The following NYAP2 variants were observed in gnomAD, a reference collection of about 807,000 sequenced individuals.
NYAP2 encodes the protein neuronal tyrosine-phosphorylated phosphoinositide-3-kinase adaptor 2, also known as neuronal tyrosine-phosphorylated phosphoinositide-3-kinase adapter 2.
NYAP2 carries 23 observed loss-of-function variants against 50.4 expected under a neutral mutation model. The observed-to-expected ratio is 0.46, with a 90% CI of 0.33 to 0.65. NYAP2 has a LOEUF of 0.65. Ranked by LOEUF, NYAP2 falls within the 30% of genes least tolerant of loss-of-function variation. The pLI is 0.02. For synonymous variants in NYAP2, 394 were observed against 365.2 expected (o/e 1.08, Z -0.90); for missense variants, 885 against 861.0 (o/e 1.03, Z -0.35).
At chr2:225,453,189 T>C (rs552305035) in intron 3 of NYAP2, among the ~76,000 whole-genome samples, 66 of 152,350 alleles carry the variant, frequency 4.3e-4, no homozygotes, top group African/African-American at 1.6e-3. Context: ...ACTATGATTA[T>C]GAAAGTTGTT....
At position 225,582,809 on chromosome 2, in the gene NYAP2, C is replaced by A. The variant is rs1692318982; in HGVS notation, c.1392C>A (p.Ser464Arg). ...CTTACGACGCTGTGCATTCGGGCAG[C>A]CTCTCAAGGAGCTCTCCTTCAGTGC... is the stretch of plus-strand genomic sequence containing the variant. The change falls in exon 5 of 7, where the codon AGC becomes AGA. Residue 464 changes from serine (S) to arginine (R), a missense_variant. Coordinates refer to ENST00000636099, the Ensembl canonical transcript of NYAP2. This position sits in a 1 kb window ranked among gnomAD's most constrained non-coding sequence, Gnocchi z 7.0. The A allele has an allele frequency of 6.2e-7, 1 of 1,613,808 alleles. No homozygotes were observed. Among genetic ancestry groups the A allele is most frequent in the Admixed American group, 1.7e-5 (1 of 60,002 alleles).
At chr2:225,626,957 G>T (rs1413714130) in exon 6 of NYAP2, 2 of 1,584,816 alleles carry the variant, frequency 1.3e-6, no homozygotes, top group Admixed American at 1.8e-5. Context: ...ACAGCACGGA[G>T]CCATTACCAA....
rs76444434 is a variant in NYAP2 at position 225,634,363 on chromosome 2, C to T, written c.1828+7237C>T. Among the ~76,000 whole-genome samples, 532 of 152,192 alleles carry T rather than the reference C, an allele frequency of 3.5e-3. 3 individuals carry two copies. Among genetic ancestry groups the T allele is most frequent in the Non-Finnish European group, 6.4e-3 (437 of 68,006 alleles). On this transcript the variant is annotated intron_variant, in intron 6 of 6. Transcript: ENST00000636099. ...GAACAGTAGACCCCTCACGTGACAA[C>T]CAGTATGAGCTAAAGACTAGGAGGA...
chr2:225,506,306 G>A (rs1690705777), intron 3 of NYAP2, among the ~76,000 whole-genome samples: 2 of 152,184 alleles, frequency 1.3e-5, no homozygotes, highest in Admixed American at 6.5e-5. Flanking sequence ...AATGTGACCA[G>A]CCATTTGTAC....
chr2:225,487,704 T>C (rs1374957339), intron 3 of NYAP2, among the ~76,000 whole-genome samples: 1 of 152,184 alleles, frequency 6.6e-6, no homozygotes, highest in Non-Finnish European at 1.5e-5. Flanking sequence ...TGAATTAGCT[T>C]TGCTAGACCA....
chr2:225,664,583 A>C, the NYAP2 span, among the ~76,000 whole-genome samples: 63 of 152,244 alleles, frequency 4.1e-4, 3 homozygotes, highest in South Asian at 0.013. Context: ...TAGAACTGAA[A>C]TGCGGCCGGG....
At chr2:225,660,559 A>G in the NYAP2 span, among the ~76,000 whole-genome samples, 30 of 151,220 alleles carry the variant, frequency 2.0e-4, no homozygotes, top group African/African-American at 7.3e-4. Context: ...TATCGATTTA[A>G]CTATTAAAAC....
At chr2:225,580,346 T>C (rs1277782011) in intron 4 of NYAP2, among the ~76,000 whole-genome samples, 1 of 152,186 alleles carries the variant, frequency 6.6e-6, no homozygotes, top group Admixed American at 6.5e-5. Flanking sequence ...GGTGGTACAA[T>C]TATTGGTTGC....
the NYAP2 span, among the ~76,000 whole-genome samples, chr2:225,662,351 C>T: frequency 1.3e-5 from 2 of 152,362 alleles, no homozygotes; most frequent in Non-Finnish European, 2.9e-5. Context: ...AACACTTGAG[C>T]ACATCGAACC....
chr2:225,523,214 C>G (rs1485206971), intron 4 of NYAP2, among the ~76,000 whole-genome samples: 5 of 151,588 alleles, frequency 3.3e-5, no homozygotes, highest in African/African-American at 1.2e-4. Context: ...CCTGGAAGTC[C>G]TCACAAGAGC....
downstream of NYAP2, among the ~76,000 whole-genome samples, chr2:225,656,866 C>T (rs759354652): frequency 4.6e-5 from 7 of 152,150 alleles, no homozygotes; most frequent in Middle Eastern, 3.2e-3. Flanking sequence ...TCTCTATAAA[C>T]ATCTTTCTGT....
intron 5 of NYAP2, among the ~76,000 whole-genome samples, chr2:225,586,407 A>G (rs896479260): frequency 6.6e-6 from 1 of 152,170 alleles, no homozygotes; most frequent in Admixed American, 6.5e-5. Flanking sequence ...ATGTTTATCT[A>G]TGATTAAATT....
At chr2:225,502,262 A>T (rs929517526) in intron 3 of NYAP2, among the ~76,000 whole-genome samples, 13 of 148,008 alleles carry the variant, frequency 8.8e-5, no homozygotes, top group African/African-American at 2.7e-4. Context: ...GATGGAGAGA[A>T]GGGGATTAAG....
At chr2:225,401,095 T>G (rs1213512410) in intron 2 of NYAP2, 52 bp downstream of exon 2, 1 of 152,510 alleles carries the variant, frequency 6.6e-6, no homozygotes, top group African/African-American at 2.4e-5. Flanking sequence ...AATCCAGCAC[T>G]GAATAGATCA....
intron 5 of NYAP2, among the ~76,000 whole-genome samples, chr2:225,598,963 T>C (rs1352269153): frequency 6.6e-6 from 1 of 152,200 alleles, no homozygotes; most frequent in East Asian, 1.9e-4. Context: ...GACTCATGAG[T>C]AGCTGACATT....
intron 4 of NYAP2, among the ~76,000 whole-genome samples, chr2:225,539,266 C>T (rs1691414726): frequency 6.6e-6 from 1 of 152,116 alleles, no homozygotes; most frequent in South Asian, 2.1e-4. Context: ...TGGGTTGGTT[C>T]CAAGTCTTTG....
intron 4 of NYAP2, among the ~76,000 whole-genome samples, chr2:225,542,560 G>C (rs34301283): frequency 0.21 from 32,587 of 152,060 alleles, 3,491 homozygotes; most frequent in African/African-American, 0.23. Context: ...CTTTTGATAT[G>C]ATATATCACA....
chr2:225,398,104 T>C (rs955252952), upstream of NYAP2, among the ~76,000 whole-genome samples: 22 of 152,186 alleles, frequency 1.4e-4, no homozygotes, highest in African/African-American at 5.1e-4. Flanking sequence ...TTTTTTATGC[T>C]TGGCAACTGT....
At chr2:225,623,624 A>G (rs1257357272) in intron 5 of NYAP2, among the ~76,000 whole-genome samples, 1 of 152,258 alleles carries the variant, frequency 6.6e-6, no homozygotes, top group African/African-American at 2.4e-5. Context: ...CAATATTCAT[A>G]TAGAATAAAC....
Sources: allele counts gnomAD v4.1 joint callset (sites outside exome capture counted in the v4.1 genomes callset), GRCh38; gene constraint gnomAD v4.1.1; non-coding constraint Gnocchi (gnomAD v3.1); transcripts MANE v1.5; gene names NCBI Gene and HGNC (gene_info 2026-07-23, HGNC 2026-07-21).